KAZN: variants seen among roughly 807,000 people sequenced by gnomAD.
The protein encoded by KAZN is kazrin.
KAZN carries 40 observed loss-of-function variants against 87.4 expected under a neutral mutation model. That is an observed-to-expected ratio of 0.46 (90% CI 0.36 to 0.60). The LOEUF (loss-of-function observed/expected upper bound fraction) is 0.60. KAZN is among the 20% of genes least tolerant of loss of function. The pLI is 0.00. For synonymous variants in KAZN, 466 were observed against 458.3 expected (o/e 1.02, Z -0.22); for missense variants, 898 against 1,073.9 (o/e 0.84, Z 2.29).
At chr1:14,588,109 C>T (rs991082885) in intron 2 of KAZN, among the ~76,000 whole-genome samples, 20 of 152,232 alleles carry the variant, frequency 1.3e-4, no homozygotes, top group Non-Finnish European at 1.0e-4. Flanking sequence ...CTCTGTAAAA[C>T]GGGGATGATC....
chr1:14,678,536 G>T (rs940083904), intron 1 of KAZN, among the ~76,000 whole-genome samples: 19 of 152,162 alleles, frequency 1.2e-4, no homozygotes, highest in African/African-American at 4.3e-4. Context: ...CTGTGATCGT[G>T]TGAGTCAATT....
chr1:13,996,325 G>T (rs920964976), intron 1 of KAZN, among the ~76,000 whole-genome samples: 2 of 152,144 alleles, frequency 1.3e-5, no homozygotes, highest in African/African-American at 4.8e-5. Context: ...TGGAGCTCCC[G>T]GGGAGGGAGG....
intron 2 of KAZN, among the ~76,000 whole-genome samples, chr1:14,385,235 T>C (rs1218740974): frequency 6.6e-6 from 1 of 152,056 alleles, no homozygotes; most frequent in Non-Finnish European, 1.5e-5. Flanking sequence ...AGCGGTCTAT[T>C]AATTTTGTTG....
intron 1 of KAZN, among the ~76,000 whole-genome samples, chr1:13,983,217 G>GC (rs1638829804): frequency 6.6e-6 from 1 of 152,248 alleles, no homozygotes; most frequent in Non-Finnish European, 1.5e-5. Context: ...AGCAAGGGGT[G>GC]GCGCTCGTGG....
At chr1:14,046,876 C>T (rs1642098542) in intron 1 of KAZN, among the ~76,000 whole-genome samples, 1 of 152,200 alleles carries the variant, frequency 6.6e-6, no homozygotes, top group Admixed American at 6.5e-5. Flanking sequence ...CCAAGGAAGA[C>T]ATTTTGGCAG....
At chr1:15,088,754 G>A (rs1206851440) in intron 8 of KAZN, among the ~76,000 whole-genome samples, 5 of 152,174 alleles carry the variant, frequency 3.3e-5, no homozygotes, top group African/African-American at 1.2e-4. Flanking sequence ...TCGTCTCGTT[G>A]GTGCTCAGTC....
intron 1 of KAZN, among the ~76,000 whole-genome samples, chr1:14,697,658 T>TA (rs1394600114): frequency 6.6e-6 from 1 of 152,356 alleles, no homozygotes; most frequent in East Asian, 1.9e-4. Flanking sequence ...TAGTGAGCCA[T>TA]AAACACTTCA....
chr1:14,942,587 G>A (rs923741615), intron 1 of KAZN, among the ~76,000 whole-genome samples: 4 of 152,236 alleles, frequency 2.6e-5, no homozygotes, highest in African/African-American at 4.8e-5. Context: ...CCTGGGAGAT[G>A]AGGGGTAGAG....
intron 1 of KAZN, among the ~76,000 whole-genome samples, chr1:13,936,936 G>T (rs1165729502): frequency 6.6e-6 from 1 of 151,970 alleles, no homozygotes; most frequent in Non-Finnish European, 1.5e-5. Flanking sequence ...ATTTTAATTT[G>T]CATTTCTCTG....
At position 14,599,218 on chromosome 1, in the gene KAZN, C is replaced by T; in HGVS notation, c.221C>T (p.Ala74Val). 2 of 1,392,902 alleles carry T rather than the reference C, an allele frequency of 1.4e-6. No individual in the cohort carries two copies. The highest frequency in any genetic ancestry group is 1.9e-5 in the South Asian group (1 of 53,644). 86.3% of individuals were successfully genotyped at this position (1,392,902 alleles called of 1,614,324 possible). A position where few individuals can be genotyped will look rare whatever the true frequency, so the allele number is the denominator to read the frequency against. The change falls in exon 1 of 15, where the codon GCG becomes GTG. Residue 74 changes from alanine to valine, a missense_variant. Ala to Val is a moderately conservative substitution (Grantham distance 64). Coordinates refer to ENST00000376030, the MANE Select transcript of KAZN (RefSeq NM_201628.3). The surrounding 1 kb of genome is among the most constrained non-coding windows in gnomAD (Gnocchi z 4.4). ...ATNMENPQLGAQVLLREEVSR... is the reference protein window; with the variant it reads ...ATNMENPQLGVQVLLREEVSR... ...AACATGGAGAACCCCCAGCTTGGAG[C>T]GCAAGGTAGGATCGCCCCGGCGCCC...
intron 1 of KAZN, among the ~76,000 whole-genome samples, chr1:14,129,481 C>T (rs980945059): frequency 1.1e-4 from 17 of 152,366 alleles, no homozygotes; most frequent in Middle Eastern, 3.4e-3. Context: ...GTGCCTCCCA[C>T]CCGATTCCTC....
intron 1 of KAZN, among the ~76,000 whole-genome samples, chr1:14,600,101 AT>A (rs3215548): frequency 0.71 from 107,901 of 151,392 alleles, 39,357 homozygotes; most frequent in Non-Finnish European, 0.8. Context: ...GCTTTGGGGG[AT>A]TTTTTTTTTC....
At chr1:14,691,601 C>T (rs562011947) in intron 1 of KAZN, among the ~76,000 whole-genome samples, 2 of 152,278 alleles carry the variant, frequency 1.3e-5, no homozygotes, top group African/African-American at 4.8e-5. Flanking sequence ...ATTCTCCTGC[C>T]TCAGCCTCCC....
intron 2 of KAZN, among the ~76,000 whole-genome samples, chr1:14,586,703 GTT>G (rs34745288): frequency 0.19 from 28,719 of 150,452 alleles, 2,836 homozygotes; most frequent in East Asian, 0.34. Flanking sequence ...ACCCAGATAT[GTT>G]TTTTTTTTAC....
Position 14,376,139 on chromosome 1 carries a change from A to G in KAZN, c.249+195547A>G, listed in dbSNP as rs559366201. ...GAGGGAGAATACCAACTGATTTCCCATTTCCTGTGGGAATGTTACCATCTC... is the reference window on the plus strand; with the variant it reads ...GAGGGAGAATACCAACTGATTTCCCGTTTCCTGTGGGAATGTTACCATCTC... On this transcript the variant is annotated intron_variant, in intron 2 of 16. Transcript: ENST00000636203. Among the ~76,000 whole-genome samples the G allele has an allele frequency of 2.0e-5, 3 of 152,276 alleles. No homozygotes were observed. In the East Asian group the frequency reaches 5.8e-4, roughly 29 times the overall value.
At chr1:14,784,669 G>A (rs1218525430) in intron 1 of KAZN, among the ~76,000 whole-genome samples, 1 of 152,204 alleles carries the variant, frequency 6.6e-6, no homozygotes, top group Non-Finnish European at 1.5e-5. Context: ...TGAGGTGGGA[G>A]GATCACTTGA....
At chr1:14,762,278 G>A (rs1031373200) in intron 1 of KAZN, among the ~76,000 whole-genome samples, 8 of 152,312 alleles carry the variant, frequency 5.3e-5, no homozygotes, top group Admixed American at 2.0e-4. Context: ...AATGTGAGCC[G>A]TATCCTGGCC....
chr1:15,013,759 A>G (rs938023043), intron 2 of KAZN, among the ~76,000 whole-genome samples: 20 of 151,854 alleles, frequency 1.3e-4, no homozygotes, highest in African/African-American at 4.4e-4. Context: ...ATCTCAAAAA[A>G]AAAAAAAGAG....
At chr1:15,050,644 T>C (rs533739289) in intron 4 of KAZN, among the ~76,000 whole-genome samples, 1 of 152,290 alleles carries the variant, frequency 6.6e-6, no homozygotes, top group African/African-American at 2.4e-5. Flanking sequence ...TTCAGGCCCC[T>C]GGCCACCACC....
Sources: allele counts gnomAD v4.1 joint callset (sites outside exome capture counted in the v4.1 genomes callset), GRCh38; gene constraint gnomAD v4.1.1; non-coding constraint Gnocchi (gnomAD v3.1); transcripts MANE v1.5; gene names NCBI Gene and HGNC (gene_info 2026-07-23, HGNC 2026-07-21).